Variants in ACTR3C observed in about 807,000 individuals in gnomAD.
The protein encoded by ACTR3C is actin-related protein 3C.
Under a neutral mutation model 26.3 loss-of-function variants are expected in ACTR3C, and 18 were observed. The observed-to-expected ratio is 0.68, with a 90% CI of 0.47 to 1.01. The LOEUF (loss-of-function observed/expected upper bound fraction) is 1.01, where lower values mean the gene tolerates loss of function less well. ACTR3C is among the 50% of genes least tolerant of loss of function. ACTR3C has a pLI of 0.00. For synonymous variants in ACTR3C, 55 were observed against 94.5 expected, an observed-to-expected ratio of 0.58 and a Z score of 2.42; for missense variants, 184 against 250.7, an observed-to-expected ratio of 0.73 and a Z score of 1.80.
At chr7:149,902,935 CAA>C in the ACTR3C span, among the ~76,000 whole-genome samples, 9 of 10,314 alleles carry the variant, frequency 8.7e-4, 2 homozygotes, top group Admixed American at 2.3e-3. Flanking sequence ...TACAGTGTCT[CAA>C]AAAAAAAAAA....
the ACTR3C span, among the ~76,000 whole-genome samples, chr7:150,076,182 A>G: frequency 1.3e-5 from 2 of 151,802 alleles, no homozygotes; most frequent in Admixed American, 6.6e-5. Context: ...CCTACATTTG[A>G]AAAGAAGTGT....
chr7:150,221,317 C>A, the ACTR3C span, among the ~76,000 whole-genome samples: 2 of 152,094 alleles, frequency 1.3e-5, no homozygotes, highest in African/African-American at 4.8e-5. Flanking sequence ...TTTCTTTTGG[C>A]ACCTGTGAAG....
At chr7:150,089,248 A>G in the ACTR3C span, among the ~76,000 whole-genome samples, 16 of 152,330 alleles carry the variant, frequency 1.1e-4, no homozygotes, top group South Asian at 2.1e-4. Context: ...GCAATGGAAC[A>G]GCCCAAAGAC....
chr7:150,020,270 T>C, the ACTR3C span, among the ~76,000 whole-genome samples: 238 of 152,248 alleles, frequency 1.6e-3, 5 homozygotes, highest in African/African-American at 5.4e-3. Flanking sequence ...TTCACAATTA[T>C]AGCACCAGAA....
chr7:150,261,442 T>A (rs1833624654), intron 6 of ACTR3C, among the ~76,000 whole-genome samples: 1 of 152,230 alleles, frequency 6.6e-6, no homozygotes, highest in Non-Finnish European at 1.5e-5. Flanking sequence ...TTTGAGTCCA[T>A]ACATTTTTAT....
chr7:150,167,209 T>A, the ACTR3C span, among the ~76,000 whole-genome samples: 1 of 150,720 alleles, frequency 6.6e-6, no homozygotes, highest in Admixed American at 6.6e-5. Context: ...GACAGATCTA[T>A]TTTTAGTTTT....
chr7:150,045,796 T>C, the ACTR3C span, among the ~76,000 whole-genome samples: 1 of 152,372 alleles, frequency 6.6e-6, no homozygotes, highest in South Asian at 2.1e-4. Flanking sequence ...GCTCTTGCCT[T>C]TCCTTTCTCC....
chr7:150,202,555 G>A, the ACTR3C span, among the ~76,000 whole-genome samples: 1 of 152,020 alleles, frequency 6.6e-6, no homozygotes, highest in Admixed American at 6.5e-5. Context: ...AGTCACTCTT[G>A]TATCTTCACT....
downstream of ACTR3C, among the ~76,000 whole-genome samples, chr7:150,240,698 G>A (rs6962386): frequency 0.11 from 16,979 of 152,088 alleles, 1,666 homozygotes; most frequent in African/African-American, 0.24. Context: ...TCTACTTAAC[G>A]TGATGCTAGA....
chr7:149,943,037 T>C, the ACTR3C span, among the ~76,000 whole-genome samples: 4 of 152,106 alleles, frequency 2.6e-5, no homozygotes, highest in Admixed American at 6.5e-5. Flanking sequence ...CACCCACGGC[T>C]GGAGCCCCTG....
At chr7:150,276,686 T>C (rs4015669) in intron 6 of ACTR3C, among the ~76,000 whole-genome samples, 4,388 of 152,254 alleles carry the variant, frequency 0.029, 199 homozygotes, top group African/African-American at 0.1. Flanking sequence ...TTCCTCTAAC[T>C]ACCTCCTCTT....
At chr7:150,120,377 C>A in the ACTR3C span, among the ~76,000 whole-genome samples, 2 of 151,946 alleles carry the variant, frequency 1.3e-5, no homozygotes, top group Non-Finnish European at 2.9e-5. Flanking sequence ...ATCAAATAGA[C>A]ACAATAAAAA....
the ACTR3C span, among the ~76,000 whole-genome samples, chr7:150,078,511 G>T: frequency 6.7e-6 from 1 of 149,558 alleles, no homozygotes; most frequent in South Asian, 2.2e-4. Flanking sequence ...TTCTGTAGCC[G>T]AATGTAAAGT....
At chr7:149,967,527 T>C in the ACTR3C span, among the ~76,000 whole-genome samples, 1 of 152,120 alleles carries the variant, frequency 6.6e-6, no homozygotes, top group Non-Finnish European at 1.5e-5. Context: ...GAGGGTGAGG[T>C]TGGGCCCCCT....
At chr7:149,968,729 TC>T in the ACTR3C span, among the ~76,000 whole-genome samples, 1 of 152,038 alleles carries the variant, frequency 6.6e-6, no homozygotes, top group Non-Finnish European at 1.5e-5. Context: ...ATAGCCATAG[TC>T]CACAGGGCTG....
At chr7:149,892,513 T>C in the ACTR3C span, 1 of 798,260 alleles carries the variant, frequency 1.3e-6, no homozygotes, top group Non-Finnish European at 1.7e-6. Flanking sequence ...TAGGGCTCCA[T>C]GTGGGGTGAA....
chr7:150,215,020 A>C, the ACTR3C span, among the ~76,000 whole-genome samples: 8 of 149,752 alleles, frequency 5.3e-5, no homozygotes, highest in East Asian at 1.4e-3. Flanking sequence ...AAACACACAA[A>C]AAAAATGCAT....
At chr7:150,209,908 G>T in the ACTR3C span, among the ~76,000 whole-genome samples, 2 of 136,010 alleles carry the variant, frequency 1.5e-5, no homozygotes, top group South Asian at 4.7e-4. Flanking sequence ...GACAGAGCGA[G>T]ACTGGGTCTC....
At chr7:150,150,409 G>T in the ACTR3C span, among the ~76,000 whole-genome samples, 1 of 152,116 alleles carries the variant, frequency 6.6e-6, no homozygotes, top group Non-Finnish European at 1.5e-5. Flanking sequence ...AGAGAGGCTT[G>T]GTAAGAGTTG....
Sources: allele counts gnomAD v4.1 joint callset (sites outside exome capture counted in the v4.1 genomes callset), GRCh38; gene constraint gnomAD v4.1.1; transcripts MANE v1.5; gene names NCBI Gene and HGNC (gene_info 2026-07-23, HGNC 2026-07-21).